Variants in ESD observed in about 807,000 individuals in gnomAD.
ESD encodes the protein esterase D, also known as S-formylglutathione hydrolase.
In ESD, 34 loss-of-function variants were observed where a neutral mutation model predicts 38.1. That is an observed-to-expected ratio of 0.89 (90% CI 0.68 to 1.19). The LOEUF is 1.19. ESD is among the 50% of genes most tolerant of loss of function. ESD has a pLI of 0.00. For missense variants in ESD, 334 were observed against 327.2 expected (o/e 1.02, Z -0.16); for synonymous variants, 97 against 107.0 (o/e 0.91, Z 0.58).
intron 4 of ESD, chr13:46,785,549 G>A (rs1402437218): frequency 1.3e-5 from 2 of 151,910 alleles, no homozygotes; most frequent in African/African-American, 4.8e-5. Flanking sequence ...TAATAATTGT[G>A]TAATCTTTCT....
At chr13:46,782,617 T>C in intron 6 of ESD, 50 bp downstream of exon 6, 1 of 1,588,796 alleles carries the variant, frequency 6.3e-7, no homozygotes. Context: ...GTGTTCAAAA[T>C]CAAACTCTTG....
At position 46,787,017 on chromosome 13, in the gene ESD, T is replaced by C; in HGVS notation, c.157+4A>G. On this transcript the variant is annotated splice_donor_region_variant and intron_variant, in intron 4 of 9. Transcript: ENST00000378720. ...TTTATAAAACTCAAATGCATAATAC[T>C]TACCTGAGAGCCAATACAGTGCAGG... The C allele has an allele frequency of 6.7e-7, 1 of 1,482,562 alleles. No homozygotes were observed. The highest frequency in any genetic ancestry group is 9.1e-7 in the Non-Finnish European group (1 of 1,102,762). The allele number at this position is 1,482,562 out of a possible 1,614,324, so 91.8% of individuals were successfully genotyped here.
intron 4 of ESD, among the ~76,000 whole-genome samples, chr13:46,786,115 T>C (rs1238793153): frequency 6.6e-6 from 1 of 152,078 alleles, no homozygotes; most frequent in Non-Finnish European, 1.5e-5. Context: ...CTAATTTTGT[T>C]GCTCTTGCTT....
intron 7 of ESD, among the ~76,000 whole-genome samples, 157 bp from the exon 8 acceptor site, chr13:46,780,190 T>G (rs1278642907): frequency 1.3e-5 from 2 of 151,736 alleles, no homozygotes; most frequent in African/African-American, 4.8e-5. Flanking sequence ...CCTTTTGATA[T>G]ATTGCTGGCT....
At chr13:46,786,224 C>T (rs1875188322) in intron 4 of ESD, among the ~76,000 whole-genome samples, 1 of 151,792 alleles carries the variant, frequency 6.6e-6, no homozygotes, top group African/African-American at 2.4e-5. Flanking sequence ...TAATCTTTAC[C>T]CTTTAAGATG....
Position 46,777,616 on chromosome 13 carries a change from T to A in ESD, c.608A>T (p.Asp203Val). 1 of 1,599,084 alleles carries A rather than the reference T, an allele frequency of 6.3e-7. No individual in the cohort carries two copies. The highest frequency in any genetic ancestry group is 8.5e-7 in the Non-Finnish European group (1 of 1,172,566). ...ATAGGATTTCACAAGGTGGGTAGCA[T>A]CATAAGCCTGTAAAAAGAGAAGTAA... ...GTDQSKWKAY[D>V]ATHLVKSYPG... Residue 203 changes from aspartate to valine, a missense_variant, in exon 9 of 10, where the codon GAT becomes GTT. Coordinates refer to ENST00000378720, the MANE Select transcript of ESD (RefSeq NM_001984.2).
At chr13:46,790,964 A>G (rs1004588285) in intron 3 of ESD, among the ~76,000 whole-genome samples, 1 of 152,152 alleles carries the variant, frequency 6.6e-6, no homozygotes, top group Non-Finnish European at 1.5e-5. Flanking sequence ...TGTTAGTCAG[A>G]GTTTTGGAGG....
chr13:46,778,253 T>C (rs1874875124), intron 8 of ESD, among the ~76,000 whole-genome samples: 1 of 151,840 alleles, frequency 6.6e-6, no homozygotes, highest in Admixed American at 6.6e-5. Flanking sequence ...TGTTTTATCA[T>C]CCACCTCGAA....
intron 9 of ESD, among the ~76,000 whole-genome samples, chr13:46,774,198 T>C (rs1015078490): frequency 1.3e-5 from 2 of 152,064 alleles, no homozygotes; most frequent in African/African-American, 4.8e-5. Flanking sequence ...CAGGAATATA[T>C]TGCAAGACAA....
At chr13:46,773,066 T>A (rs1347934817) in intron 9 of ESD, among the ~76,000 whole-genome samples, 1 of 152,194 alleles carries the variant, frequency 6.6e-6, no homozygotes, top group Non-Finnish European at 1.5e-5. Flanking sequence ...AAGGACATGA[T>A]CTCATTCCTT....
intron 9 of ESD, among the ~76,000 whole-genome samples, chr13:46,772,812 C>G (rs1360870807): frequency 2.0e-5 from 3 of 151,984 alleles, no homozygotes; most frequent in East Asian, 1.9e-4. Context: ...AGCCTCCCGA[C>G]TAGCTGGGAC....
In ESD at chr13:46,784,308, T is replaced by C; in HGVS notation, c.200A>G (p.Tyr67Cys). The change falls in exon 5 of 10, where the codon TAT becomes TGT. Residue 67 changes from tyrosine to cysteine, a missense_variant. Coordinates refer to ENST00000378720, the MANE Select transcript of ESD (RefSeq NM_001984.2). ...ACCATGTTCTGAAGCAGACTGATGA[T>C]AACCAGATTTTGATATAAAATTTTG... The part of the protein sequence containing the change: ...TEQNFISKSG[Y>C]HQSASEHGLV... The C allele has an allele frequency of 6.2e-7, 1 of 1,611,706 alleles. No homozygotes were observed.
intron 1 of ESD, among the ~76,000 whole-genome samples, chr13:46,793,821 T>A (rs909847581): frequency 2.0e-5 from 3 of 152,130 alleles, no homozygotes; most frequent in African/African-American, 7.2e-5. Flanking sequence ...ACTAGGTAAG[T>A]AGAGGAAGAT....
intron 9 of ESD, among the ~76,000 whole-genome samples, chr13:46,774,567 C>T (rs954657528): frequency 2.0e-5 from 3 of 152,070 alleles, no homozygotes; most frequent in African/African-American, 7.2e-5. Flanking sequence ...ATGGAAAATC[C>T]TTGGTAGCAA....
At chr13:46,788,169 T>C (rs551223856) in intron 3 of ESD, among the ~76,000 whole-genome samples, 1 of 152,078 alleles carries the variant, frequency 6.6e-6, no homozygotes, top group Non-Finnish European at 1.5e-5. Flanking sequence ...TTTGTTTTCA[T>C]TGAGCTGGTA....
intron 6 of ESD, 69 bp downstream of exon 6, chr13:46,782,598 A>G: frequency 6.5e-7 from 1 of 1,542,924 alleles, no homozygotes; most frequent in Non-Finnish European, 8.8e-7. Context: ...TCAGGATTGT[A>G]AGGACTTTGT....
intron 8 of ESD, among the ~76,000 whole-genome samples, chr13:46,778,612 C>T (rs1874887880): frequency 6.6e-6 from 1 of 151,600 alleles, no homozygotes; most frequent in Admixed American, 6.6e-5. Context: ...GGTCTTTTAC[C>T]CAATTCTTCT....
chr13:46,772,682 A>T (rs906715628), intron 9 of ESD, among the ~76,000 whole-genome samples: 1 of 151,486 alleles, frequency 6.6e-6, no homozygotes, highest in East Asian at 1.9e-4. Context: ...AAGTGAGAGC[A>T]TGTGGTGTTT....
chr13:46,784,279 C>G lies in ESD; in HGVS notation c.229G>C (p.Val77Leu), dbSNP rs1875113867. The G allele has an allele frequency of 6.2e-7, 1 of 1,611,900 alleles. No individual in the cohort carries two copies. The highest frequency in any genetic ancestry group is 1.3e-5 in the African/African-American group (1 of 74,894). The stretch of plus-strand genomic sequence containing the variant: ...GGGCTGGTATCTGGAGCAATGACAA[C>G]AAGACCATGTTCTGAAGCAGACTGA... The part of the protein sequence containing the change: ...YHQSASEHGL[V>L]VIAPDTSPRG... Residue 77 changes from valine (V) to leucine (L), a missense_variant, in exon 5 of 10, where the codon GTT (valine) becomes CTT (leucine). By Grantham distance (32) the Val-to-Leu change is conservative. Transcript: ENST00000378720.
Sources: gnomAD v4.1 joint callset for allele counts (sites outside exome capture counted in the v4.1 genomes callset) on GRCh38, gnomAD v4.1.1 for gene constraint, MANE v1.5 for transcripts, NCBI Gene and HGNC (gene_info 2026-07-23, HGNC 2026-07-21) for gene names.